Variants in UBE2U observed in about 807,000 individuals in gnomAD.
UBE2U encodes ubiquitin-conjugating enzyme E2 U.
Under a neutral mutation model 41.2 loss-of-function variants are expected in UBE2U, and 39 were observed. The ratio of observed to expected loss-of-function variants is 0.95; its 90% CI spans 0.73 to 1.24. The LOEUF is 1.24. Among genes scored for constraint, UBE2U ranks in the 50% most tolerant of loss-of-function variants. The pLI is 0.00. For synonymous variants in UBE2U, 107 were observed against 117.8 expected, an observed-to-expected ratio of 0.91 and a Z score of 0.60; for missense variants, 336 against 363.1, an observed-to-expected ratio of 0.93 and a Z score of 0.61.
chr1:64,239,175 G>GAAGAAGAA lies in UBE2U; in HGVS notation c.596-2476_596-2469dup, dbSNP rs1644781485. On this transcript the variant is annotated intron_variant, in intron 7 of 9. Coordinates refer to ENST00000371077, the MANE Select transcript of UBE2U (RefSeq NM_001366232.2). ...GAAGAAGAAAGAAGAAGAAGAAGAA[G>GAAGAAGAA]AAGAAGAAGAAGAAGAAAGCCCCAG... Among the ~76,000 whole-genome samples, 16 of 95,446 alleles carry GAAGAAGAA rather than the reference G, an allele frequency of 1.7e-4. 1 individual carries two copies. The highest frequency in any genetic ancestry group is 7.0e-4 in the African/African-American group (15 of 21,370). 62.6% of individuals were successfully genotyped at this position (95,446 alleles called of 152,430 possible). A position where few individuals can be genotyped will look rare whatever the true frequency, so the allele number is the denominator to read the frequency against.
At chr1:64,218,241 C>A (rs2100304348) in intron 5 of UBE2U, among the ~76,000 whole-genome samples, 1 of 152,214 alleles carries the variant, frequency 6.6e-6, no homozygotes, top group Non-Finnish European at 1.5e-5. Context: ...TACAGATATT[C>A]TGTTACTTAA....
At chr1:64,249,008 A>G (rs1182113885) in intron 8 of UBE2U, among the ~76,000 whole-genome samples, 1 of 152,198 alleles carries the variant, frequency 6.6e-6, no homozygotes, top group East Asian at 1.9e-4. Flanking sequence ...AAGAACAATC[A>G]GATTTAAAGA....
chr1:64,211,325 C>A (rs561980942), intron 4 of UBE2U, among the ~76,000 whole-genome samples: 9 of 152,326 alleles, frequency 5.9e-5, no homozygotes, highest in Admixed American at 5.9e-4. Context: ...ACCCAGTGAA[C>A]AATTTATACC....
At chr1:64,256,855 C>A (rs1174987879) in intron 8 of UBE2U, among the ~76,000 whole-genome samples, 1 of 151,270 alleles carries the variant, frequency 6.6e-6, no homozygotes, top group East Asian at 1.9e-4. Flanking sequence ...AAAATTTTGC[C>A]ATCTATCCAT....
chr1:64,220,938 T>C, intron 6 of UBE2U, 31 bp downstream of exon 6: 1 of 1,482,292 alleles, frequency 6.7e-7, no homozygotes, highest in Non-Finnish European at 9.3e-7. Flanking sequence ...TTTATGTCGA[T>C]TTATTTACCA....
intron 8 of UBE2U, among the ~76,000 whole-genome samples, chr1:64,250,357 C>G (rs12139581): frequency 0.22 from 34,038 of 152,042 alleles, 4,010 homozygotes; most frequent in Middle Eastern, 0.35. Flanking sequence ...CACACAAAGA[C>G]AACTTTAAAC....
Position 64,261,072 on chromosome 1 carries a change from A to G in UBE2U, c.769+378A>G, listed in dbSNP as rs374962523. 8.5e-5 allele frequency among the ~76,000 whole-genome samples: 13 copies of G among 152,358 alleles called. No individual in the cohort carries two copies. In the East Asian group the frequency reaches 9.6e-4, roughly 11 times the overall value. On this transcript the variant is annotated intron_variant, in intron 9 of 9. Transcript: ENST00000371077. ...AGGTATATGCAATATGGTTGAAAAGAAAGAAACAATGCTGAGTTGTTTTTC... is the reference window on the plus strand; with the variant it reads ...AGGTATATGCAATATGGTTGAAAAGGAAGAAACAATGCTGAGTTGTTTTTC...
At chr1:64,223,068 C>A (rs1176585830) in intron 6 of UBE2U, among the ~76,000 whole-genome samples, 1 of 152,060 alleles carries the variant, frequency 6.6e-6, no homozygotes, top group African/African-American at 2.4e-5. Context: ...ACAGCTAGTA[C>A]TTAGAATGTA....
intron 9 of UBE2U, among the ~76,000 whole-genome samples, chr1:64,264,263 T>C (rs1645221068): frequency 6.6e-6 from 1 of 152,182 alleles, no homozygotes; most frequent in African/African-American, 2.4e-5. Flanking sequence ...AGAGTTTCCA[T>C]GATCCAACCC....
intron 9 of UBE2U, among the ~76,000 whole-genome samples, chr1:64,266,335 A>G (rs1162890265): frequency 1.3e-5 from 2 of 152,206 alleles, no homozygotes; most frequent in African/African-American, 2.4e-5. Context: ...AACTTTCTGT[A>G]TACTATAACA....
At position 64,214,914 on chromosome 1, in the gene UBE2U, T is replaced by A. The variant is rs773783013; in HGVS notation, c.439T>A (p.Phe147Ile). The A allele has an allele frequency of 4.3e-6, 7 of 1,613,724 alleles. No homozygotes were observed. The highest frequency in any genetic ancestry group is 5.9e-6 in the Non-Finnish European group (7 of 1,179,758). The change falls in exon 5 of 10, where the codon TTC (phenylalanine) becomes ATC (isoleucine). Residue 147 changes from phenylalanine (F) to isoleucine (I), a missense_variant. Phe to Ile is a conservative substitution (Grantham distance 21, BLOSUM62 0). Coordinates refer to ENST00000371077, the MANE Select transcript of UBE2U (RefSeq NM_001366232.2). ...TCTGTACAGAACAATTCTAAGACTT[T>A]TCAACAGGCCATTACAAAGTAAGAA... The part of the protein sequence containing the change: ...ESLYRTILRL[F>I]NRPLQMKDDS...
At chr1:64,239,027 G>A (rs1435841818) in intron 7 of UBE2U, among the ~76,000 whole-genome samples, 3 of 146,190 alleles carry the variant, frequency 2.1e-5, no homozygotes, top group Non-Finnish European at 4.5e-5. Context: ...GGGTGACAAA[G>A]TGAGACCCCC....
At chr1:64,210,881 A>T in intron 4 of UBE2U, 42 bp downstream of exon 4, 1 of 1,354,256 alleles carries the variant, frequency 7.4e-7, no homozygotes, top group South Asian at 1.4e-5. Flanking sequence ...AATACTTTTA[A>T]TTACCCTAAT....
Position 64,203,944 on chromosome 1 carries a change from TTA to T in UBE2U, c.-103_-102del. On this transcript the variant is annotated 5_prime_UTR_variant, in exon 1 of 10. Transcript: ENST00000371077. ...TCTGAGGTTCTAGAAAGCAAGTAAC[TTA>T]TATCAGTTTACTAAGTGTGGGAAAG... is the stretch of plus-strand genomic sequence containing the variant. 7 of 918,204 alleles carry T rather than the reference TTA, an allele frequency of 7.6e-6. No individual in the cohort carries two copies. The highest frequency in any genetic ancestry group is 9.9e-6 in the Non-Finnish European group (6 of 603,702). 56.9% of individuals were successfully genotyped at this position (918,204 alleles called of 1,614,324 possible).
At chr1:64,226,395 C>T (rs975572158) in intron 6 of UBE2U, among the ~76,000 whole-genome samples, 1 of 152,110 alleles carries the variant, frequency 6.6e-6, no homozygotes, top group South Asian at 2.1e-4. Flanking sequence ...CAGTAGGAAA[C>T]TTTCTGGAAT....
chr1:64,251,279 T>A (rs1645006960), intron 8 of UBE2U, among the ~76,000 whole-genome samples: 2 of 151,804 alleles, frequency 1.3e-5, no homozygotes, highest in African/African-American at 2.4e-5. Context: ...TTGGTCAGGA[T>A]TAATTATGAT....
intron 5 of UBE2U, among the ~76,000 whole-genome samples, chr1:64,219,066 G>A (rs769671003): frequency 6.6e-6 from 1 of 152,032 alleles, no homozygotes; most frequent in Non-Finnish European, 1.5e-5. Flanking sequence ...CCTTGTGGTT[G>A]GTTTTGCTCC....
At position 64,241,704 on chromosome 1, in the gene UBE2U, T is replaced by C; in HGVS notation, c.648T>C (p.Asp216=). Residue 216 remains aspartate (D), a synonymous_variant, in exon 8 of 10, where the codon GAT becomes GAC. Coordinates refer to ENST00000371077, the MANE Select transcript of UBE2U (RefSeq NM_001366232.2). ...AGTATTACAAATGGAAGAAAATGGATCTACAGCATCAGAAAGAATGGAATT... is the reference window on the plus strand; with the variant it reads ...AGTATTACAAATGGAAGAAAATGGACCTACAGCATCAGAAAGAATGGAATT... The part of the protein sequence containing the change: ...IGQYYKWKKM[D]LQHQKEWNLK... 1.2e-6 allele frequency: 2 copies of C among 1,609,754 alleles called. No individual in the cohort carries two copies. Among genetic ancestry groups the C allele is most frequent in the Non-Finnish European group, 1.7e-6 (2 of 1,178,140 alleles).
intron 7 of UBE2U, among the ~76,000 whole-genome samples, chr1:64,235,800 T>C (rs1644656186): frequency 6.6e-6 from 1 of 152,166 alleles, no homozygotes. Flanking sequence ...TGAAGTATGC[T>C]CCTATATATT....
Sources: gnomAD v4.1 joint callset for allele counts (sites outside exome capture counted in the v4.1 genomes callset) on GRCh38, gnomAD v4.1.1 for gene constraint, MANE v1.5 for transcripts, NCBI Gene and HGNC (gene_info 2026-07-23, HGNC 2026-07-21) for gene names.